CADM1: variants seen among roughly 807,000 people sequenced by gnomAD.
CADM1 encodes the protein TSLC-1.
Under a neutral mutation model 53.1 loss-of-function variants are expected in CADM1, and 15 were observed. That is an observed-to-expected ratio of 0.28 (90% CI 0.19 to 0.44). The LOEUF (loss-of-function observed/expected upper bound fraction) is 0.44. Ranked by LOEUF, CADM1 falls within the 20% of genes least tolerant of loss-of-function variation. CADM1 has a pLI of 1.00. For synonymous variants in CADM1, 281 were observed against 243.0 expected (o/e 1.16, Z -1.45); for missense variants, 434 against 611.3 (o/e 0.71, Z 3.06).
Position 115,175,964 on chromosome 11 carries a change from T to C in CADM1, c.*510A>G, listed in dbSNP as rs1939008745. 2.9e-6 allele frequency: 3 copies of C among 1,033,834 alleles called. No homozygotes were observed. In the South Asian group the frequency reaches 1.1e-4, roughly 38 times the overall value. The allele number at this position is 1,033,834 out of a possible 1,614,324, so 64.0% of individuals were successfully genotyped here. A position where few individuals can be genotyped will look rare whatever the true frequency, so the allele number is the denominator to read the frequency against. On this transcript the variant is annotated 3_prime_UTR_variant, in exon 12 of 12. Coordinates refer to ENST00000331581, the MANE Select transcript of CADM1 (RefSeq NM_001301043.2). ...CTAAGCTGTGCTGGTTCTCCTTTTATGAAACTGAATTTGGAACAGAAAGCA... is the reference window on the plus strand; with the variant it reads ...CTAAGCTGTGCTGGTTCTCCTTTTACGAAACTGAATTTGGAACAGAAAGCA...
intron 1 of CADM1, among the ~76,000 whole-genome samples, chr11:115,376,907 G>T (rs1946451939): frequency 6.6e-6 from 1 of 152,092 alleles, no homozygotes; most frequent in Non-Finnish European, 1.5e-5. Flanking sequence ...TAAATATGTG[G>T]TATATTTTGA....
chr11:115,200,397 A>C (rs536244161), intron 8 of CADM1, among the ~76,000 whole-genome samples: 1 of 152,378 alleles, frequency 6.6e-6, no homozygotes, highest in Middle Eastern at 3.4e-3. Context: ...ATGTTAATAC[A>C]TTTTATAGAT....
intron 1 of CADM1, among the ~76,000 whole-genome samples, chr11:115,244,319 G>A (rs939235175): frequency 2.0e-5 from 3 of 152,212 alleles, no homozygotes; most frequent in African/African-American, 2.4e-5. Context: ...GTTTACAAAT[G>A]CTTTCCTAAA....
chr11:115,427,746 C>T (rs527576460), intron 1 of CADM1, among the ~76,000 whole-genome samples: 96 of 152,012 alleles, frequency 6.3e-4, no homozygotes, highest in African/African-American at 2.1e-3. Flanking sequence ...CGGTGGCTCA[C>T]GCCTGTAATC....
chr11:115,439,040 G>T (rs1298624979), intron 1 of CADM1, among the ~76,000 whole-genome samples: 1 of 152,168 alleles, frequency 6.6e-6, no homozygotes, highest in Non-Finnish European at 1.5e-5. Context: ...TCTGGGAGGG[G>T]TGCACTGGGT....
intron 1 of CADM1, among the ~76,000 whole-genome samples, chr11:115,365,730 C>A (rs540419278): frequency 6.6e-6 from 1 of 151,310 alleles, no homozygotes; most frequent in South Asian, 2.1e-4. Flanking sequence ...GTTCTGAGCG[C>A]GGCAAAAAAT....
chr11:115,251,801 G>A (rs980561645), intron 1 of CADM1, among the ~76,000 whole-genome samples: 1 of 152,162 alleles, frequency 6.6e-6, no homozygotes, highest in African/African-American at 2.4e-5. Flanking sequence ...CTCAACCTGG[G>A]AAGACGTATA....
At chr11:115,249,525 A>G (rs1284613515) in intron 1 of CADM1, among the ~76,000 whole-genome samples, 1 of 152,258 alleles carries the variant, frequency 6.6e-6, no homozygotes, top group Non-Finnish European at 1.5e-5. Flanking sequence ...TACATTTCCC[A>G]AAACACAAGC....
intron 1 of CADM1, among the ~76,000 whole-genome samples, chr11:115,459,497 TC>T (rs1948749195): frequency 6.6e-6 from 1 of 151,348 alleles, no homozygotes; most frequent in Non-Finnish European, 1.5e-5. Flanking sequence ...TCTTCACCCA[TC>T]CCCTTTGCTT....
Position 115,169,604 on chromosome 11 carries a change from A to G in CADM1, c.*6870T>C. ...GCTGCCCTCATCACTTTATTCTGGG[A>G]GAGGAGGTTAGAGAAAACAGGCCTA... is the stretch of plus-strand genomic sequence containing the variant. On this transcript the variant is annotated 3_prime_UTR_variant, in exon 12 of 12. Coordinates refer to ENST00000331581, the MANE Select transcript of CADM1 (RefSeq NM_001301043.2). 2.2e-6 allele frequency: 1 copy of G among 456,628 alleles called. No homozygotes were observed. The highest frequency in any genetic ancestry group is 4.4e-6 in the Non-Finnish European group (1 of 226,950). The allele number at this position is 456,628 out of a possible 1,614,324, so 28.3% of individuals were successfully genotyped here. A position where few individuals can be genotyped will look rare whatever the true frequency, so the allele number is the denominator to read the frequency against.
At chr11:115,393,831 T>C (rs1331952400) in intron 1 of CADM1, among the ~76,000 whole-genome samples, 1 of 152,100 alleles carries the variant, frequency 6.6e-6, no homozygotes, top group Non-Finnish European at 1.5e-5. Context: ...TTACCATGAA[T>C]ATAAACTAAA....
intron 1 of CADM1, among the ~76,000 whole-genome samples, chr11:115,373,697 T>C (rs911543489): frequency 2.0e-5 from 3 of 150,702 alleles, no homozygotes; most frequent in Admixed American, 6.6e-5. Flanking sequence ...TAAGTATCTA[T>C]AACATAAAAT....
intron 1 of CADM1, among the ~76,000 whole-genome samples, chr11:115,489,523 G>C (rs540517342): frequency 3.5e-4 from 53 of 152,326 alleles, no homozygotes; most frequent in African/African-American, 1.1e-3. Context: ...GAAGTTGAAA[G>C]GAAAACATAT....
chr11:115,502,821 T>C (rs1182622003), intron 1 of CADM1, among the ~76,000 whole-genome samples: 4 of 152,180 alleles, frequency 2.6e-5, no homozygotes, highest in Non-Finnish European at 5.9e-5. Flanking sequence ...CATAACTGTG[T>C]GTCCTCTAGC....
At chr11:115,249,816 C>A (rs1942531939) in intron 1 of CADM1, among the ~76,000 whole-genome samples, 1 of 152,144 alleles carries the variant, frequency 6.6e-6, no homozygotes, top group African/African-American at 2.4e-5. Flanking sequence ...ATGGGTGACC[C>A]TACTGTGGTC....
intron 5 of CADM1, among the ~76,000 whole-genome samples, chr11:115,218,710 C>T (rs1941289602): frequency 6.6e-6 from 1 of 152,182 alleles, no homozygotes; most frequent in Non-Finnish European, 1.5e-5. Flanking sequence ...GGATAGATTT[C>T]TGATCCATAA....
chr11:115,444,456 C>G (rs557077158), intron 1 of CADM1, among the ~76,000 whole-genome samples: 202 of 152,236 alleles, frequency 1.3e-3, no homozygotes, highest in Non-Finnish European at 1.7e-3. Flanking sequence ...AAGCTGATCA[C>G]TTGTGTTTTT....
intron 1 of CADM1, among the ~76,000 whole-genome samples, chr11:115,427,527 T>C (rs983884103): frequency 6.6e-6 from 1 of 152,124 alleles, no homozygotes; most frequent in Non-Finnish European, 1.5e-5. Context: ...GGATAGATGA[T>C]AGATGACAGA....
intron 1 of CADM1, among the ~76,000 whole-genome samples, chr11:115,400,527 T>C (rs1440687808): frequency 1.4e-5 from 2 of 147,030 alleles, no homozygotes; most frequent in African/African-American, 2.5e-5. Flanking sequence ...ATCAGAATAC[T>C]GTCAAAATCA....
Sources: allele counts gnomAD v4.1 joint callset (sites outside exome capture counted in the v4.1 genomes callset), GRCh38; gene constraint gnomAD v4.1.1; transcripts MANE v1.5; gene names NCBI Gene and HGNC (gene_info 2026-07-23, HGNC 2026-07-21).